CUL2: variants seen among roughly 807,000 people sequenced by gnomAD.
CUL2 encodes cullin 2, also known as cullin-2.
In CUL2, 22 loss-of-function variants were observed where a neutral mutation model predicts 110.2. That is an observed-to-expected ratio of 0.20 (90% CI 0.14 to 0.28). The LOEUF is 0.28. Ranked by LOEUF, CUL2 falls within the 10% of genes least tolerant of loss-of-function variation. The pLI, the probability that CUL2 is intolerant of heterozygous loss-of-function variation, is 1.00. For synonymous variants in CUL2, 279 were observed against 293.2 expected (o/e 0.95, Z 0.49); for missense variants, 631 against 905.5 (o/e 0.70, Z 3.89).
At chr10:35,126,057 G>GGTGATCTGCCCAT (rs1019715101) in intron 1 of CUL2, among the ~76,000 whole-genome samples, 6 of 152,050 alleles carry the variant, frequency 3.9e-5, no homozygotes, top group Non-Finnish European at 7.4e-5. Flanking sequence ...CCTGACCTCA[G>GGTGATCTGCCCAT]GTGATCTGCC....
intron 1 of CUL2, among the ~76,000 whole-genome samples, chr10:35,103,308 A>ATTTTTTTTTTTTTTTTTTTT (rs67257350): frequency 6.3e-5 from 6 of 94,546 alleles, no homozygotes; most frequent in Non-Finnish European, 8.2e-5. Context: ...GGCCAAGCTA[A>ATTTTTTTTTTTTTTTTTTTT]TTTTTTTTTT....
At chr10:35,051,051 C>G (rs1442059512) in intron 5 of CUL2, among the ~76,000 whole-genome samples, 1 of 152,232 alleles carries the variant, frequency 6.6e-6, no homozygotes, top group Non-Finnish European at 1.5e-5. Flanking sequence ...CACAGTGGCT[C>G]ACGCCTGTAA....
At chr10:35,091,833 G>A (rs1337659436), upstream of CUL2, among the ~76,000 whole-genome samples, 1 of 151,784 alleles carries the variant, frequency 6.6e-6, no homozygotes, top group Non-Finnish European at 1.5e-5. Flanking sequence ...TCACCACATT[G>A]CCCAGGCTGG....
At chr10:35,082,415 C>T (rs1002154964) in intron 1 of CUL2, among the ~76,000 whole-genome samples, 3 of 152,104 alleles carry the variant, frequency 2.0e-5, no homozygotes, top group Admixed American at 6.6e-5. Context: ...TGGGGAGCTA[C>T]TGCCTAATGG....
At chr10:35,013,856 G>A in intron 18 of CUL2, 56 bp from the exon 19 acceptor site, 1 of 1,194,264 alleles carries the variant, frequency 8.4e-7, no homozygotes, top group East Asian at 2.9e-5. Flanking sequence ...TTAAATAAGA[G>A]TTTGCTGCAA....
chr10:35,010,184 G>T lies in CUL2; in HGVS notation c.*127C>A. 2.1e-6 allele frequency: 2 copies of T among 941,886 alleles called. No homozygotes were observed. Among genetic ancestry groups the T allele is most frequent in the Non-Finnish European group, 2.9e-6 (2 of 685,232 alleles). 58.3% of individuals were successfully genotyped at this position (941,886 alleles called of 1,614,324 possible). A position where few individuals can be genotyped will look rare whatever the true frequency, so the allele number is the denominator to read the frequency against. On this transcript the variant is annotated 3_prime_UTR_variant, in exon 21 of 21. Transcript: ENST00000374749. ...CTCATGACGTGGCACTGGTGATGTTGTAAACAGCAGAAAACAGGGGCTGCC... is the reference window on the plus strand; with the variant it reads ...CTCATGACGTGGCACTGGTGATGTTTTAAACAGCAGAAAACAGGGGCTGCC...
At chr10:35,079,335 A>T (rs540868099) in intron 1 of CUL2, among the ~76,000 whole-genome samples, 6 of 152,334 alleles carry the variant, frequency 3.9e-5, no homozygotes, top group Non-Finnish European at 8.8e-5. Flanking sequence ...GAAGGTCGGC[A>T]TTGGGCTACT....
chr10:35,067,893 G>A (rs1589028340), intron 2 of CUL2, among the ~76,000 whole-genome samples: 2 of 151,916 alleles, frequency 1.3e-5, no homozygotes, highest in East Asian at 3.9e-4. Flanking sequence ...GGATCACGAG[G>A]TCAGGAGATC....
intron 1 of CUL2, among the ~76,000 whole-genome samples, chr10:35,116,755 A>T (rs2087608583): frequency 6.6e-6 from 1 of 152,176 alleles, no homozygotes; most frequent in Admixed American, 6.5e-5. Flanking sequence ...TCACAAGGTC[A>T]AGAGATTGAG....
At chr10:35,090,600 T>C (rs896433404), upstream of CUL2, 7 of 152,652 alleles carry the variant, frequency 4.6e-5, no homozygotes, top group Admixed American at 3.9e-4. Flanking sequence ...CCGGTCTCCT[T>C]CTTCCGCTGC....
At chr10:35,115,748 T>C (rs997274236) in intron 1 of CUL2, among the ~76,000 whole-genome samples, 14 of 151,118 alleles carry the variant, frequency 9.3e-5, no homozygotes, top group African/African-American at 3.2e-4. Flanking sequence ...ATACAAAAAT[T>C]AGCTGGGTGT....
intron 1 of CUL2, among the ~76,000 whole-genome samples, chr10:35,110,481 A>T (rs1253625956): frequency 6.6e-6 from 1 of 152,108 alleles, no homozygotes; most frequent in Non-Finnish European, 1.5e-5. Flanking sequence ...GGGAGAATTG[A>T]TTGTACCTGG....
intron 1 of CUL2, among the ~76,000 whole-genome samples, chr10:35,120,994 C>G (rs1471523212): frequency 6.6e-6 from 1 of 152,144 alleles, no homozygotes; most frequent in Non-Finnish European, 1.5e-5. Flanking sequence ...GACTTACTGG[C>G]TAATCCTTCA....
intron 18 of CUL2, among the ~76,000 whole-genome samples, chr10:35,014,788 G>A (rs2084985650): frequency 6.6e-6 from 1 of 151,684 alleles, no homozygotes; most frequent in East Asian, 1.9e-4. Flanking sequence ...AGCTGAGATG[G>A]CACCACTGCA....
At chr10:35,081,828 C>T (rs990259302) in intron 1 of CUL2, among the ~76,000 whole-genome samples, 11 of 151,834 alleles carry the variant, frequency 7.2e-5, no homozygotes, top group African/African-American at 2.7e-4. Flanking sequence ...AAGATGTGAC[C>T]GCACCACTAC....
intron 4 of CUL2, among the ~76,000 whole-genome samples, chr10:35,058,551 C>G (rs1354127773): frequency 1.3e-5 from 2 of 152,178 alleles, no homozygotes; most frequent in Non-Finnish European, 2.9e-5. Flanking sequence ...TGATAAGTGT[C>G]GATTCTTAGC....
intron 6 of CUL2, among the ~76,000 whole-genome samples, chr10:35,047,629 G>A (rs1199397780): frequency 6.7e-6 from 1 of 150,066 alleles, no homozygotes; most frequent in Non-Finnish European, 1.5e-5. Flanking sequence ...AAAAATACAG[G>A]CATAAAGGCC....
At chr10:35,081,580 C>G (rs576110164) in intron 1 of CUL2, among the ~76,000 whole-genome samples, 1 of 152,294 alleles carries the variant, frequency 6.6e-6, no homozygotes, top group East Asian at 1.9e-4. Context: ...AGCCTTTACA[C>G]AAATTATCAA....
intron 17 of CUL2, among the ~76,000 whole-genome samples, chr10:35,024,678 A>G (rs1564701579): frequency 2.0e-5 from 3 of 152,224 alleles, no homozygotes; most frequent in Non-Finnish European, 1.5e-5. Context: ...AAACTATTGA[A>G]AATTAAGTAG....
Sources: allele counts gnomAD v4.1 joint callset (sites outside exome capture counted in the v4.1 genomes callset), GRCh38; gene constraint gnomAD v4.1.1; transcripts MANE v1.5; gene names NCBI Gene and HGNC (gene_info 2026-07-23, HGNC 2026-07-21).